PDE1C: variants seen among roughly 807,000 people sequenced by gnomAD.
PDE1C encodes the protein dual specificity calcium/calmodulin-dependent 3',5'-cyclic nucleotide phosphodiesterase 1C.
In PDE1C, 62 loss-of-function variants were observed where a neutral mutation model predicts 93.1. The ratio of observed to expected loss-of-function variants is 0.67; its 90% CI spans 0.54 to 0.82. The LOEUF (loss-of-function observed/expected upper bound fraction) is 0.82, where lower values mean the gene tolerates loss of function less well. Ranked by LOEUF, PDE1C falls within the 40% of genes least tolerant of loss-of-function variation. The probability of loss-of-function intolerance (pLI) is 0.00; values close to 1 mark genes in which losing one functional copy is unlikely to be tolerated. For synonymous variants in PDE1C, 325 were observed against 310.1 expected (o/e 1.05, Z -0.50); for missense variants, 742 against 884.6 (o/e 0.84, Z 2.04).
At chr7:31,697,524 C>CAG in the PDE1C span, among the ~76,000 whole-genome samples, 3 of 152,150 alleles carry the variant, frequency 2.0e-5, no homozygotes, top group African/African-American at 7.2e-5. Context: ...AAAAGAGATG[C>CAG]AGAAATAAGG....
the PDE1C span, among the ~76,000 whole-genome samples, chr7:31,688,166 A>G: frequency 1.3e-5 from 2 of 152,184 alleles, no homozygotes; most frequent in African/African-American, 2.4e-5. Flanking sequence ...TCGGGACTCC[A>G]TGCACATTCT....
intron 1 of PDE1C, among the ~76,000 whole-genome samples, chr7:32,221,586 T>C (rs191693956): frequency 6.6e-6 from 1 of 152,268 alleles, no homozygotes; most frequent in East Asian, 1.9e-4. Context: ...CCAGGTACCA[T>C]ACTTTGAGTA....
chr7:32,189,153 T>C (rs529568638), intron 2 of PDE1C, among the ~76,000 whole-genome samples: 1 of 152,112 alleles, frequency 6.6e-6, no homozygotes, highest in East Asian at 1.9e-4. Flanking sequence ...AGAGGAAAGG[T>C]CTCCATTACT....
chr7:32,034,025 G>C (rs184478390), intron 2 of PDE1C, among the ~76,000 whole-genome samples: 14 of 151,288 alleles, frequency 9.3e-5, no homozygotes, highest in Admixed American at 2.0e-4. Context: ...AGGAAAATTA[G>C]ACTTAATCAG....
rs114714340 is a variant in PDE1C, at chr7:32,320,076, T to C, written c.310+107746A>G. ...CAACTTGAAGCCAATTCAGTGAACA[T>C]TAATTTGTCACACAGCAGTTCCCCA... is the stretch of plus-strand genomic sequence containing the variant. On this transcript the variant is annotated intron_variant, in intron 1 of 1. Transcript: ENST00000672256. 5.3e-3 allele frequency among the ~76,000 whole-genome samples: 808 copies of C among 152,234 alleles called. 5 individuals are homozygous for C. Among genetic ancestry groups the C allele is most frequent in the African/African-American group, 0.018 (756 of 41,542 alleles).
intron 2 of PDE1C, among the ~76,000 whole-genome samples, chr7:32,031,011 G>T (rs1790232735): frequency 6.6e-6 from 1 of 152,134 alleles, no homozygotes; most frequent in South Asian, 2.1e-4. Flanking sequence ...ATAACAACAT[G>T]AAACAATTCC....
chr7:32,360,997 G>T (rs1445020380), intron 1 of PDE1C, among the ~76,000 whole-genome samples: 1 of 152,174 alleles, frequency 6.6e-6, no homozygotes, highest in South Asian at 2.1e-4. Flanking sequence ...TAGGAAGGAG[G>T]TATTAGCTCT....
the PDE1C span, among the ~76,000 whole-genome samples, chr7:31,627,127 G>T: frequency 6.6e-6 from 1 of 152,116 alleles, no homozygotes; most frequent in African/African-American, 2.4e-5. Flanking sequence ...TTTGGATTTT[G>T]TCCACTGGAG....
intron 1 of PDE1C, among the ~76,000 whole-genome samples, chr7:32,293,945 T>C (rs980845679): frequency 1.3e-5 from 2 of 151,818 alleles, no homozygotes; most frequent in Non-Finnish European, 2.9e-5. Context: ...CAGAGACCAG[T>C]CTGGGCTCAG....
chr7:32,228,980 C>T (rs1807493624), intron 1 of PDE1C, among the ~76,000 whole-genome samples: 1 of 152,204 alleles, frequency 6.6e-6, no homozygotes, highest in Non-Finnish European at 1.5e-5. Flanking sequence ...GGAATGACCT[C>T]CTGAGACAGC....
At chr7:32,259,350 C>T (rs564408878) in intron 1 of PDE1C, among the ~76,000 whole-genome samples, 2 of 152,288 alleles carry the variant, frequency 1.3e-5, no homozygotes, top group South Asian at 2.1e-4. Flanking sequence ...TTAATTTCCA[C>T]TTACATGCTA....
the PDE1C span, among the ~76,000 whole-genome samples, chr7:31,744,692 T>C: frequency 1.3e-5 from 2 of 152,200 alleles, no homozygotes; most frequent in South Asian, 4.1e-4. Context: ...TTCAAATTCT[T>C]TTAAGATGGG....
the PDE1C span, among the ~76,000 whole-genome samples, chr7:31,685,012 G>C: frequency 4.6e-5 from 7 of 152,144 alleles, no homozygotes; most frequent in Admixed American, 1.3e-4. Context: ...GTATATACAA[G>C]ATGTCACACC....
At chr7:31,819,943 C>T (rs753690302) in intron 14 of PDE1C, among the ~76,000 whole-genome samples, 8 of 152,010 alleles carry the variant, frequency 5.3e-5, no homozygotes, top group Non-Finnish European at 1.5e-5. Flanking sequence ...CAGTTCTATA[C>T]AAGAACAAAG....
Position 32,312,219 on chromosome 7 carries a change from A to C in PDE1C, c.311-102680T>G, listed in dbSNP as rs1783061920. Among the ~76,000 whole-genome samples the C allele has an allele frequency of 4.6e-5, 7 of 152,248 alleles. No individual in the cohort carries two copies. In the South Asian group the frequency reaches 1.0e-3, roughly 23 times the overall value. On this transcript the variant is annotated intron_variant, in intron 1 of 1. Coordinates refer to the PDE1C transcript ENST00000672256. ...ACAAGGGATGTGAAAGACCTCTTCA[A>C]CAAGAACTACAAACCACTGCTCAAG...
chr7:31,704,087 A>T, the PDE1C span, among the ~76,000 whole-genome samples: 4 of 152,244 alleles, frequency 2.6e-5, no homozygotes, highest in Non-Finnish European at 4.4e-5. Flanking sequence ...ATGAGGCTGG[A>T]AGCATCAAAG....
rs748715974 is a variant in PDE1C, at chr7:31,927,429, A to T, written c.129-46569T>A. ...TGAAGAGAGCAGTGGATTTACCAGCACAGCCCTAGAGCTCTGCTAAGGGAC... is the reference window on the plus strand; with the variant it reads ...TGAAGAGAGCAGTGGATTTACCAGCTCAGCCCTAGAGCTCTGCTAAGGGAC... On this transcript the variant is annotated intron_variant, in intron 2 of 17. Coordinates refer to ENST00000396191, the MANE Select transcript of PDE1C (RefSeq NM_001191057.4). 6.3e-4 allele frequency among the ~76,000 whole-genome samples: 96 copies of T among 152,162 alleles called. 2 individuals carry two copies. The highest frequency in any genetic ancestry group is 4.0e-4 in the Non-Finnish European group (27 of 68,024).
chr7:31,767,367 C>G (rs1447120229), intron 17 of PDE1C, among the ~76,000 whole-genome samples: 2 of 152,114 alleles, frequency 1.3e-5, no homozygotes, highest in African/African-American at 4.8e-5. Flanking sequence ...CCCCCTGGTA[C>G]TGTTCTCATG....
At chr7:32,334,732 A>G (rs1783583034) in intron 1 of PDE1C, among the ~76,000 whole-genome samples, 2 of 152,244 alleles carry the variant, frequency 1.3e-5, no homozygotes, top group African/African-American at 4.8e-5. Context: ...GCTATGAAAT[A>G]GTATGTGTAC....
Sources: allele counts gnomAD v4.1 joint callset (sites outside exome capture counted in the v4.1 genomes callset), GRCh38; gene constraint gnomAD v4.1.1; transcripts MANE v1.5; gene names NCBI Gene and HGNC (gene_info 2026-07-23, HGNC 2026-07-21).